GPBP1: variants seen among roughly 807,000 people sequenced by gnomAD.
GPBP1 encodes the protein GC-rich promoter binding protein 1.
Under a neutral mutation model 56.5 loss-of-function variants are expected in GPBP1, and 13 were observed. The observed-to-expected ratio is 0.23, with a 90% CI of 0.15 to 0.37. GPBP1 has a LOEUF of 0.37. Among genes scored for constraint, GPBP1 ranks in the 10% least tolerant of loss-of-function variants. GPBP1 has a pLI of 1.00. For missense variants in GPBP1, 477 were observed against 572.3 expected, an observed-to-expected ratio of 0.83 and a Z score of 1.70; for synonymous variants, 204 against 188.9, an observed-to-expected ratio of 1.08 and a Z score of -0.66.
chr5:57,235,346 C>G (rs1756617445), intron 5 of GPBP1, among the ~76,000 whole-genome samples: 1 of 151,408 alleles, frequency 6.6e-6, no homozygotes, highest in African/African-American at 2.4e-5. Context: ...TGATCTTGAC[C>G]TTATGCTAAG....
intron 6 of GPBP1, chr5:57,237,222 A>T (rs972839703): frequency 8.5e-7 from 1 of 1,175,432 alleles, no homozygotes; most frequent in African/African-American, 1.5e-5. Context: ...ATTGCATAAG[A>T]ATATAGAACC....
chr5:57,245,053 A>G (rs1466318887), intron 6 of GPBP1, among the ~76,000 whole-genome samples: 1 of 151,918 alleles, frequency 6.6e-6, no homozygotes, highest in Admixed American at 6.6e-5. Context: ...ATCTTTATTC[A>G]TTTTTGTTTT....
At chr5:57,200,970 G>T (rs1754995007) in intron 2 of GPBP1, among the ~76,000 whole-genome samples, 1 of 152,074 alleles carries the variant, frequency 6.6e-6, no homozygotes. Context: ...AAGCCACCAT[G>T]CCTGGCCCAT....
chr5:57,261,876 C>G (rs1741909398), intron 11 of GPBP1, among the ~76,000 whole-genome samples: 1 of 151,972 alleles, frequency 6.6e-6, no homozygotes. Context: ...TGCTTTTTTT[C>G]AAATCGATTA....
At chr5:57,235,870 A>G (rs777683515) in intron 5 of GPBP1, 96 bp from the exon 6 acceptor site, 6 of 872,148 alleles carry the variant, frequency 6.9e-6, no homozygotes, top group Non-Finnish European at 1.1e-5. Flanking sequence ...AGAGTTGGTC[A>G]TATTTGATTC....
intron 6 of GPBP1, among the ~76,000 whole-genome samples, chr5:57,244,464 A>G (rs1275208321): frequency 6.6e-6 from 1 of 152,228 alleles, no homozygotes; most frequent in African/African-American, 2.4e-5. Context: ...GTATAGTGAT[A>G]GAACTGCCCC....
intron 2 of GPBP1, among the ~76,000 whole-genome samples, chr5:57,205,675 C>T (rs952412623): frequency 2.0e-5 from 3 of 150,716 alleles, no homozygotes; most frequent in African/African-American, 7.3e-5. Flanking sequence ...CCTAATGATA[C>T]TGAGTATATT....
chr5:57,188,787 A>T (rs1471070746), intron 2 of GPBP1, among the ~76,000 whole-genome samples: 1 of 151,524 alleles, frequency 6.6e-6, no homozygotes, highest in South Asian at 2.1e-4. Context: ...CTAGCCCCAT[A>T]CTCTCTCTAT....
chr5:57,196,700 G>T (rs1439182414), intron 2 of GPBP1, among the ~76,000 whole-genome samples: 1 of 151,536 alleles, frequency 6.6e-6, no homozygotes, highest in African/African-American at 2.4e-5. Context: ...TCAAGCCATT[G>T]TCCTGCCTCA....
chr5:57,248,957 C>T (rs919791179), intron 8 of GPBP1: 1 of 152,530 alleles, frequency 6.6e-6, no homozygotes, highest in South Asian at 2.1e-4. Context: ...GATTCTTTCT[C>T]CTCTCCTCCC....
chr5:57,183,722 C>T (rs1161601094), intron 2 of GPBP1, among the ~76,000 whole-genome samples: 1 of 150,650 alleles, frequency 6.6e-6, no homozygotes, highest in Admixed American at 6.6e-5. Flanking sequence ...ATTAACATTT[C>T]AAGAGTTGAT....
At chr5:57,249,224 A>G (rs1741244692) in intron 8 of GPBP1, 185 bp from the exon 9 acceptor site, 2 of 466,046 alleles carry the variant, frequency 4.3e-6, no homozygotes, top group Admixed American at 7.8e-5. Context: ...TGGGATAAGA[A>G]AATTATTTTG....
intron 2 of GPBP1, among the ~76,000 whole-genome samples, chr5:57,209,628 T>A (rs1440654319): frequency 1.3e-5 from 2 of 152,162 alleles, no homozygotes; most frequent in East Asian, 3.8e-4. Context: ...TGGTTTTTTT[T>A]AATAGATGCT....
rs77378712 is a variant in GPBP1 at position 57,246,258 on chromosome 5, T to G, written c.479-42T>G. 5.0e-4 allele frequency: 766 copies of G among 1,524,478 alleles called. 3 individuals carry two copies. The East Asian group carries it at 0.013, about 25-fold the overall frequency. 94.4% of individuals were successfully genotyped at this position (1,524,478 alleles called of 1,614,324 possible). ...TGGTGGTTTTATTCTATACTAAAAC[T>G]TGAAATTGTGAGTGACTCTTGGTCA... On this transcript the variant is annotated intron_variant, in intron 6 of 11. Transcript: ENST00000506184.
At chr5:57,259,259 T>C (rs1397584363) in intron 10 of GPBP1, among the ~76,000 whole-genome samples, 1 of 152,230 alleles carries the variant, frequency 6.6e-6, no homozygotes, top group African/African-American at 2.4e-5. Flanking sequence ...TTTACTTATA[T>C]GATCTTGATT....
At chr5:57,214,881 C>G (rs1363717521) in intron 3 of GPBP1, among the ~76,000 whole-genome samples, 2 of 152,188 alleles carry the variant, frequency 1.3e-5, no homozygotes, top group Non-Finnish European at 2.9e-5. Flanking sequence ...AGGCTGGTCT[C>G]TAACGCCTGA....
intron 3 of GPBP1, among the ~76,000 whole-genome samples, chr5:57,227,494 C>T (rs1366447119): frequency 6.6e-6 from 1 of 152,152 alleles, no homozygotes; most frequent in Admixed American, 6.5e-5. Context: ...GCACCCAGTC[C>T]CCTACACGTT....
At chr5:57,247,337 C>G (rs1741141314) in intron 8 of GPBP1, 122 bp downstream of exon 8, 1 of 824,216 alleles carries the variant, frequency 1.2e-6, no homozygotes, top group African/African-American at 1.8e-5. Context: ...CTTCAGAAAA[C>G]TGGATTCATT....
At chr5:57,243,045 G>A (rs1740907712) in intron 6 of GPBP1, among the ~76,000 whole-genome samples, 2 of 150,778 alleles carry the variant, frequency 1.3e-5, no homozygotes, top group South Asian at 2.1e-4. Context: ...CACTGCGCCC[G>A]GCCTAATATG....
Sources: gnomAD v4.1 joint callset for allele counts (sites outside exome capture counted in the v4.1 genomes callset) on GRCh38, gnomAD v4.1.1 for gene constraint, MANE v1.5 for transcripts, NCBI Gene and HGNC (gene_info 2026-07-23, HGNC 2026-07-21) for gene names.